IMPG1: variants seen among roughly 807,000 people sequenced by gnomAD.
The protein encoded by IMPG1 is interphotoreceptor matrix proteoglycan of 150 kDa.
A neutral mutation model predicts 92.0 loss-of-function variants in IMPG1; 85 were observed. That is an observed-to-expected ratio of 0.92 (90% CI 0.78 to 1.11). The LOEUF (loss-of-function observed/expected upper bound fraction) is 1.11, where lower values mean the gene tolerates loss of function less well. Ranked by LOEUF, IMPG1 falls within the 50% of genes least tolerant of loss-of-function variation. IMPG1 has a pLI of 0.00. For synonymous variants in IMPG1, 367 were observed against 334.1 expected, an observed-to-expected ratio of 1.10 and a Z score of -1.08; for missense variants, 1,022 against 956.0, an observed-to-expected ratio of 1.07 and a Z score of -0.91.
rs753324207 is a variant in IMPG1 at position 76,003,824 on chromosome 6, G to C, written c.1212+50C>G. ...TAAGCTGATTTGTTCTTTGGTGGAA[G>C]GTTTTGAGACTTTGTTCCTAGTTAA... On this transcript the variant is annotated intron_variant, in intron 11 of 16. Coordinates refer to ENST00000369950, the MANE Select transcript of IMPG1 (RefSeq NM_001563.4). The C allele has an allele frequency of 8.3e-6, 11 of 1,330,168 alleles. No individual in the cohort carries two copies. The East Asian group carries it at 2.3e-4, about 28-fold the overall frequency. 82.4% of individuals were successfully genotyped at this position (1,330,168 alleles called of 1,614,324 possible). A position where few individuals can be genotyped will look rare whatever the true frequency, so the allele number is the denominator to read the frequency against.
intron 1 of IMPG1, among the ~76,000 whole-genome samples, chr6:76,066,136 T>TAC (rs1784306033): frequency 6.6e-6 from 1 of 151,914 alleles, no homozygotes; most frequent in African/African-American, 2.4e-5. Context: ...ATAAATACAA[T>TAC]ACAGGTGTTA....
intron 12 of IMPG1, among the ~76,000 whole-genome samples, chr6:75,978,466 G>A (rs1287221087): frequency 6.6e-6 from 1 of 151,998 alleles, no homozygotes; most frequent in Non-Finnish European, 1.5e-5. Context: ...GAAAGGCAAG[G>A]TAGGCATTGT....
Position 75,974,387 on chromosome 6 carries a change from CTTTCTT to C in IMPG1, c.1292-23299_1292-23294del, listed in dbSNP as rs1562354764. ...TCTTTCTTTCTTTCTTTCTTTCTTT[CTTTCTT>C]TTCTTTCTTTCCTTCCTTCCTTCCT... On this transcript the variant is annotated intron_variant, in intron 12 of 16. Coordinates refer to ENST00000369950, the MANE Select transcript of IMPG1 (RefSeq NM_001563.4). 5.1e-3 allele frequency among the ~76,000 whole-genome samples: 311 copies of C among 60,614 alleles called. 2 individuals carry two copies. Among genetic ancestry groups the C allele is most frequent in the Middle Eastern group, 7.4e-3 (1 of 136 alleles). 39.8% of individuals were successfully genotyped at this position (60,614 alleles called of 152,430 possible). A position where few individuals can be genotyped will look rare whatever the true frequency, so the allele number is the denominator to read the frequency against.
intron 12 of IMPG1, among the ~76,000 whole-genome samples, chr6:75,962,724 C>T (rs6924084): frequency 0.36 from 54,733 of 151,980 alleles, 10,089 homozygotes; most frequent in East Asian, 0.54. Flanking sequence ...TAGTAATAAG[C>T]ACAAAGAAAA....
In IMPG1 at chr6:75,964,285, TAGAC is replaced by T. The variant is rs1389064373; in HGVS notation, c.1292-13195_1292-13192del. Among the ~76,000 whole-genome samples the T allele has an allele frequency of 7.9e-5, 12 of 152,276 alleles. No individual in the cohort carries two copies. The East Asian group carries it at 9.6e-4, about 12-fold the overall frequency. On this transcript the variant is annotated intron_variant, in intron 12 of 16. Coordinates refer to ENST00000369950, the MANE Select transcript of IMPG1 (RefSeq NM_001563.4). Reference sequence around the variant, plus strand: ...GGAGATGATGAAAGATTTCTGGAATTAGACAGTGCATAACATTGTAAACATATTA... The same window carrying T: ...GGAGATGATGAAAGATTTCTGGAATTAGTGCATAACATTGTAAACATATTA...
chr6:75,927,563 A>C (rs976946976), intron 15 of IMPG1, among the ~76,000 whole-genome samples: 1 of 152,128 alleles, frequency 6.6e-6, no homozygotes, highest in Non-Finnish European at 1.5e-5. Context: ...AGTCTGTCTG[A>C]AGTAGCTCAT....
chr6:76,069,536 A>G (rs1784372467), intron 1 of IMPG1, among the ~76,000 whole-genome samples: 1 of 152,102 alleles, frequency 6.6e-6, no homozygotes, highest in Admixed American at 6.6e-5. Flanking sequence ...AGAAAATACT[A>G]AATAACTTCC....
chr6:75,972,077 C>T (rs1455431718), intron 12 of IMPG1, among the ~76,000 whole-genome samples: 1 of 152,122 alleles, frequency 6.6e-6, no homozygotes, highest in East Asian at 1.9e-4. Context: ...TTAGTCTAGG[C>T]TTGAAAAGTT....
intron 12 of IMPG1, among the ~76,000 whole-genome samples, chr6:75,975,713 A>T (rs1025030049): frequency 2.0e-5 from 3 of 152,220 alleles, no homozygotes; most frequent in Middle Eastern, 3.4e-3. Flanking sequence ...ACCATTCCTG[A>T]TTGCTTATAT....
At chr6:75,977,648 C>A (rs1782561956) in intron 12 of IMPG1, among the ~76,000 whole-genome samples, 1 of 150,708 alleles carries the variant, frequency 6.6e-6, no homozygotes, top group Admixed American at 6.6e-5. Flanking sequence ...TTTATTTAAA[C>A]CTCATTTCAT....
intron 16 of IMPG1, among the ~76,000 whole-genome samples, chr6:75,922,630 T>A (rs10943298): frequency 0.082 from 12,556 of 152,244 alleles, 605 homozygotes; most frequent in East Asian, 0.23. Context: ...CTTCCTTTTA[T>A]TTATTTGAAA....
intron 15 of IMPG1, among the ~76,000 whole-genome samples, chr6:75,929,851 C>A (rs185871235): frequency 2.0e-5 from 3 of 151,858 alleles, no homozygotes; most frequent in Admixed American, 6.6e-5. Context: ...CAAATTCATT[C>A]TTTTCACGTG....
intron 1 of IMPG1, among the ~76,000 whole-genome samples, chr6:76,050,408 A>T (rs902247797): frequency 1.3e-5 from 2 of 152,154 alleles, no homozygotes; most frequent in East Asian, 3.9e-4. Context: ...GTGACACTGC[A>T]CTCCAGCCTG....
In IMPG1 at chr6:76,034,743, G is replaced by C. The variant is rs772872123; in HGVS notation, c.346C>G (p.Arg116Gly). 1 of 1,614,018 alleles carries C rather than the reference G, an allele frequency of 6.2e-7. No individual in the cohort carries two copies. Among genetic ancestry groups the C allele is most frequent in the Non-Finnish European group, 8.5e-7 (1 of 1,179,964 alleles). The change falls in exon 3 of 17, where the codon CGC becomes GGC. Residue 116 changes from arginine (R) to glycine (G), a missense_variant. By Grantham distance (125) the Arg-to-Gly change is moderately radical. Around this residue, in one of 3 missense-constraint regions of IMPG1, gnomAD observed 681 missense variants for 583.6 expected, o/e 1.17. Transcript: ENST00000369950. Reference protein sequence around the residue: ...VWEAYRIFLDRIPDTGEYQDW... With the variant: ...VWEAYRIFLDGIPDTGEYQDW... ...TGATATTCCCCTGTGTCAGGGATGC[G>C]ATCCAGAAAGATCCGATATGCTTCC...
At chr6:76,066,725 C>A (rs1784316725) in intron 1 of IMPG1, among the ~76,000 whole-genome samples, 1 of 152,082 alleles carries the variant, frequency 6.6e-6, no homozygotes. Context: ...ATGGAACATT[C>A]TACTTAACAA....
intron 6 of IMPG1, among the ~76,000 whole-genome samples, chr6:76,019,822 A>G (rs139615338): frequency 0.017 from 2,548 of 152,266 alleles, 70 homozygotes; most frequent in African/African-American, 0.058. Context: ...GGAACATTTA[A>G]ATGACTGTGA....
intron 1 of IMPG1, among the ~76,000 whole-genome samples, chr6:76,053,292 T>C (rs1784072588): frequency 2.0e-5 from 3 of 152,180 alleles, no homozygotes; most frequent in Admixed American, 2.0e-4. Flanking sequence ...AGCACTGTTA[T>C]AGCCTAGGTT....
intron 12 of IMPG1, among the ~76,000 whole-genome samples, chr6:75,963,740 G>A (rs1782249672): frequency 6.6e-6 from 1 of 152,198 alleles, no homozygotes; most frequent in African/African-American, 2.4e-5. Flanking sequence ...CCAGCTCAGT[G>A]GTAGCCTTGA....
At chr6:75,982,824 A>G (rs1040350086) in intron 12 of IMPG1, among the ~76,000 whole-genome samples, 1 of 152,070 alleles carries the variant, frequency 6.6e-6, no homozygotes, top group Non-Finnish European at 1.5e-5. Flanking sequence ...ATAGCACTTT[A>G]TATAGTTTCT....
Sources: gnomAD v4.1 joint callset for allele counts (sites outside exome capture counted in the v4.1 genomes callset) on GRCh38, gnomAD v4.1.1 for gene constraint, gnomAD v4.1.1 regional missense constraint, MANE v1.5 for transcripts, NCBI Gene and HGNC (gene_info 2026-07-23, HGNC 2026-07-21) for gene names.